Variants in MARCHF1 observed in about 807,000 individuals in gnomAD.
MARCHF1 encodes the protein membrane associated ring-CH-type finger 1.
A neutral mutation model predicts 54.2 loss-of-function variants in MARCHF1; 40 were observed. The ratio of observed to expected loss-of-function variants is 0.74; its 90% CI spans 0.57 to 0.96. The LOEUF (loss-of-function observed/expected upper bound fraction) is 0.96, where lower values mean the gene tolerates loss of function less well. Among genes scored for constraint, MARCHF1 ranks in the 40% least tolerant of loss-of-function variants. The pLI, the probability that MARCHF1 is intolerant of heterozygous loss-of-function variation, is 0.00. For missense variants in MARCHF1, 586 were observed against 656.5 expected, an observed-to-expected ratio of 0.89 and a Z score of 1.17; for synonymous variants, 236 against 236.3, an observed-to-expected ratio of 1.00 and a Z score of 0.01.
intron 1 of MARCHF1, among the ~76,000 whole-genome samples, chr4:164,368,068 A>T (rs1730928970): frequency 6.6e-6 from 1 of 151,668 alleles, no homozygotes; most frequent in Non-Finnish European, 1.5e-5. Flanking sequence ...ATAAAAGATT[A>T]AACCCAAGAA....
At chr4:164,051,275 C>T (rs114888029) in intron 2 of MARCHF1, among the ~76,000 whole-genome samples, 2,155 of 152,210 alleles carry the variant, frequency 0.014, 57 homozygotes, top group African/African-American at 0.049. Flanking sequence ...AATATATCTA[C>T]ATGATGTAAT....
chr4:163,856,834 A>T (rs1490515325), intron 3 of MARCHF1, among the ~76,000 whole-genome samples: 1 of 151,946 alleles, frequency 6.6e-6, no homozygotes, highest in Non-Finnish European at 1.5e-5. Context: ...AACATGGTGA[A>T]ATCCTGTCTC....
At chr4:163,838,424 C>T (rs1287650459) in intron 4 of MARCHF1, among the ~76,000 whole-genome samples, 3 of 151,956 alleles carry the variant, frequency 2.0e-5, no homozygotes, top group Non-Finnish European at 2.9e-5. Context: ...TCTATTTTGG[C>T]TCCAACATTG....
chr4:163,893,241 C>T (rs1178829490), intron 3 of MARCHF1, among the ~76,000 whole-genome samples: 2 of 152,066 alleles, frequency 1.3e-5, no homozygotes, highest in African/African-American at 4.8e-5. Context: ...CCAGTTCAAG[C>T]AATTCTCCCA....
intron 3 of MARCHF1, among the ~76,000 whole-genome samples, chr4:163,923,059 G>T (rs1751464912): frequency 6.6e-6 from 1 of 152,034 alleles, no homozygotes; most frequent in Non-Finnish European, 1.5e-5. Context: ...CTTGAAAAAA[G>T]TCCTGTTGGA....
chr4:164,248,856 C>T (rs984503942), intron 1 of MARCHF1, among the ~76,000 whole-genome samples: 1 of 151,944 alleles, frequency 6.6e-6, no homozygotes, highest in East Asian at 1.9e-4. Flanking sequence ...AAACACTATA[C>T]TGTTTCATAT....
chr4:163,957,667 T>C (rs111280478), intron 3 of MARCHF1, among the ~76,000 whole-genome samples: 1,535 of 152,116 alleles, frequency 0.01, 13 homozygotes, highest in Non-Finnish European at 0.017. Context: ...GATAAGGAAA[T>C]AGCTCTATTT....
chr4:163,950,257 C>T (rs1007383612), intron 3 of MARCHF1, among the ~76,000 whole-genome samples: 2 of 152,180 alleles, frequency 1.3e-5, no homozygotes, highest in African/African-American at 4.8e-5. Context: ...CCCTTAGCCC[C>T]GCCCTTGGAC....
chr4:163,956,487 C>T (rs1302552639), intron 3 of MARCHF1, among the ~76,000 whole-genome samples: 1 of 152,018 alleles, frequency 6.6e-6, no homozygotes, highest in Non-Finnish European at 1.5e-5. Context: ...ATTCTTTAGC[C>T]CACTAGTTAA....
chr4:163,850,757 C>A (rs1188247619), intron 4 of MARCHF1, among the ~76,000 whole-genome samples: 1 of 152,174 alleles, frequency 6.6e-6, no homozygotes, highest in Non-Finnish European at 1.5e-5. Flanking sequence ...GTCTGCTGGG[C>A]TGGCAATACT....
intron 1 of MARCHF1, among the ~76,000 whole-genome samples, chr4:164,377,525 T>C (rs560255234): frequency 1.3e-5 from 2 of 152,192 alleles, no homozygotes; most frequent in South Asian, 4.1e-4. Context: ...GTAGCGCTTA[T>C]TTGTAAGTTA....
chr4:163,774,525 T>C (rs1279415995), intron 4 of MARCHF1, among the ~76,000 whole-genome samples: 1 of 123,024 alleles, frequency 8.1e-6, no homozygotes. Flanking sequence ...TTTGACAGAG[T>C]CTCACTCTGT....
intron 1 of MARCHF1, among the ~76,000 whole-genome samples, chr4:164,241,672 G>C (rs1472497357): frequency 6.6e-6 from 1 of 152,202 alleles, no homozygotes; most frequent in African/African-American, 2.4e-5. Context: ...CCCAGCGTGA[G>C]CTACGCAGAA....
At chr4:163,670,661 T>C (rs1357501752) in intron 5 of MARCHF1, among the ~76,000 whole-genome samples, 1 of 152,124 alleles carries the variant, frequency 6.6e-6, no homozygotes, top group Non-Finnish European at 1.5e-5. Context: ...CTTTATGGAT[T>C]CAAAGACTTC....
At chr4:164,260,714 C>T (rs1733437559) in intron 1 of MARCHF1, among the ~76,000 whole-genome samples, 2 of 152,212 alleles carry the variant, frequency 1.3e-5, no homozygotes, top group Admixed American at 6.5e-5. Context: ...ATTAGACCTA[C>T]AAAATCGAAT....
At chr4:164,165,042 A>C (rs1006594749) in intron 1 of MARCHF1, among the ~76,000 whole-genome samples, 3 of 152,054 alleles carry the variant, frequency 2.0e-5, no homozygotes, top group Admixed American at 6.6e-5. Flanking sequence ...AATTACCTAC[A>C]GAAGGGGATC....
At chr4:163,541,640 G>A (rs1050152071) in intron 9 of MARCHF1, among the ~76,000 whole-genome samples, 1 of 151,880 alleles carries the variant, frequency 6.6e-6, no homozygotes, top group Non-Finnish European at 1.5e-5. Context: ...TTTCTCTCCA[G>A]GATCATCATT....
intron 4 of MARCHF1, among the ~76,000 whole-genome samples, chr4:163,814,942 C>T (rs555824191): frequency 2.0e-5 from 3 of 151,928 alleles, no homozygotes; most frequent in African/African-American, 4.8e-5. Flanking sequence ...ATACAGTTAA[C>T]GTGTATAAGC....
At chr4:164,214,060 C>T (rs1234385163) in intron 1 of MARCHF1, among the ~76,000 whole-genome samples, 1 of 151,798 alleles carries the variant, frequency 6.6e-6, no homozygotes, top group Non-Finnish European at 1.5e-5. Flanking sequence ...TAAATATATA[C>T]ACCTACTATG....
Sources: gnomAD v4.1 joint callset for allele counts (sites outside exome capture counted in the v4.1 genomes callset) on GRCh38, gnomAD v4.1.1 for gene constraint, MANE v1.5 for transcripts, NCBI Gene and HGNC (gene_info 2026-07-23, HGNC 2026-07-21) for gene names.